Variants in DLGAP2 observed in about 807,000 individuals in gnomAD.
DLGAP2 encodes the protein DLG associated protein 2, also known as disks large-associated protein 2.
A neutral mutation model predicts 100.3 loss-of-function variants in DLGAP2; 26 were observed. The ratio of observed to expected loss-of-function variants is 0.26; its 90% CI spans 0.19 to 0.36. The LOEUF (loss-of-function observed/expected upper bound fraction) is 0.36. DLGAP2 is among the 10% of genes least tolerant of loss of function. DLGAP2 has a pLI of 1.00. For missense variants in DLGAP2, 1,858 were observed against 1,453.2 expected, an observed-to-expected ratio of 1.28 and a Z score of -4.53; for synonymous variants, 886 against 630.1, an observed-to-expected ratio of 1.41 and a Z score of -6.08.
intron 2 of DLGAP2, among the ~76,000 whole-genome samples, chr8:1,191,294 C>G (rs1024493539): frequency 6.6e-6 from 1 of 151,658 alleles, no homozygotes; most frequent in Non-Finnish European, 1.5e-5. Flanking sequence ...CCTCAGCCTC[C>G]CGAGTAGCTG....
chr8:1,205,445 C>T (rs1344908271), intron 2 of DLGAP2, among the ~76,000 whole-genome samples: 2 of 152,048 alleles, frequency 1.3e-5, no homozygotes, highest in Non-Finnish European at 2.9e-5. Context: ...GCTCTAGAAA[C>T]ACGTGACGTC....
intron 2 of DLGAP2, among the ~76,000 whole-genome samples, chr8:1,158,716 C>T (rs764284604): frequency 7.2e-5 from 11 of 152,206 alleles, no homozygotes; most frequent in African/African-American, 1.2e-4. Context: ...TTGTGGGCTG[C>T]GCACCCAGAG....
At chr8:1,479,775 C>T (rs925421460) in intron 3 of DLGAP2, among the ~76,000 whole-genome samples, 3 of 152,166 alleles carry the variant, frequency 2.0e-5, no homozygotes, top group Admixed American at 6.5e-5. Flanking sequence ...TCCAAGCTGG[C>T]TGTTAATTTT....
At chr8:873,129 A>G (rs187704775) in intron 1 of DLGAP2, among the ~76,000 whole-genome samples, 2 of 152,300 alleles carry the variant, frequency 1.3e-5, no homozygotes, top group East Asian at 3.9e-4. Flanking sequence ...AAAACTTAAT[A>G]TAGTGTAAAT....
chr8:785,261 C>T (rs1208495802), intron 1 of DLGAP2, among the ~76,000 whole-genome samples: 5 of 144,592 alleles, frequency 3.5e-5, no homozygotes, highest in African/African-American at 1.3e-4. Context: ...AAGGCACGTC[C>T]TGACACTTCA....
intron 2 of DLGAP2, among the ~76,000 whole-genome samples, chr8:1,136,993 G>A (rs1585094955): frequency 6.6e-6 from 1 of 152,218 alleles, no homozygotes; most frequent in Non-Finnish European, 1.5e-5. Context: ...ATGGTGCCCA[G>A]CCACTGTGCT....
At position 1,521,408 on chromosome 8, in the gene DLGAP2, G is replaced by A. The variant is rs1800593208; in HGVS notation, c.172+19977G>A. On this transcript the variant is annotated intron_variant, in intron 4 of 14. Transcript: ENST00000637795. ...GGGCAGGTGATATGGAGCGTCTCTG[G>A]TTTGCACACTTGTTTTAATTTGGAA... Among the ~76,000 whole-genome samples the A allele has an allele frequency of 3.1e-5, 2 of 65,102 alleles. 1 individual carries two copies. The highest frequency in any genetic ancestry group is 3.9e-4 in the Admixed American group (2 of 5,166). The allele number at this position is 65,102 out of a possible 152,430, so 42.7% of individuals were successfully genotyped here.
intron 1 of DLGAP2, among the ~76,000 whole-genome samples, chr8:810,381 A>G (rs1796349544): frequency 6.6e-6 from 1 of 152,276 alleles, no homozygotes; most frequent in African/African-American, 2.4e-5. Flanking sequence ...GGTACACACC[A>G]TTACACATTT....
chr8:1,681,111 A>G (rs1798933050), intron 12 of DLGAP2, among the ~76,000 whole-genome samples: 2 of 152,216 alleles, frequency 1.3e-5, no homozygotes, highest in South Asian at 4.1e-4. Flanking sequence ...CTTAGCCCAT[A>G]AAATGCCTAT....
Position 1,454,702 on chromosome 8 carries a change from T to C in DLGAP2, c.107-46664T>C, listed in dbSNP as rs145832030. On this transcript the variant is annotated intron_variant, in intron 3 of 14. Transcript: ENST00000637795. ...CACTTTTTCTCTAAGGGAGTTCAGC[T>C]TGAGGGCTGAGATATCTGTTTTGTG... 1.1e-3 allele frequency among the ~76,000 whole-genome samples: 172 copies of C among 152,310 alleles called. 1 individual carries two copies. The highest frequency in any genetic ancestry group is 3.9e-3 in the African/African-American group (161 of 41,568).
At chr8:1,160,301 T>C (rs899219489) in intron 2 of DLGAP2, among the ~76,000 whole-genome samples, 2 of 152,256 alleles carry the variant, frequency 1.3e-5, no homozygotes, top group Admixed American at 6.5e-5. Context: ...GATTGACAGG[T>C]CCCGTGCCTG....
At chr8:1,530,360 G>T (rs373700559) in intron 4 of DLGAP2, among the ~76,000 whole-genome samples, 2 of 152,106 alleles carry the variant, frequency 1.3e-5, no homozygotes, top group Non-Finnish European at 2.9e-5. Flanking sequence ...GCTCTGTTCT[G>T]CCCAGCTCAC....
At chr8:1,591,569 C>G (rs376567185) in intron 6 of DLGAP2, among the ~76,000 whole-genome samples, 3 of 152,164 alleles carry the variant, frequency 2.0e-5, no homozygotes, top group South Asian at 2.1e-4. Flanking sequence ...ACCCCTGCAG[C>G]CTATTTGTGG....
chr8:1,242,354 C>T (rs1283094999), intron 2 of DLGAP2, among the ~76,000 whole-genome samples: 1 of 152,174 alleles, frequency 6.6e-6, no homozygotes, highest in Non-Finnish European at 1.5e-5. Flanking sequence ...CCATTACCTG[C>T]TCATGGCTAG....
At chr8:836,810 T>C (rs1280544824) in intron 1 of DLGAP2, among the ~76,000 whole-genome samples, 1 of 152,196 alleles carries the variant, frequency 6.6e-6, no homozygotes, top group African/African-American at 2.4e-5. Flanking sequence ...CGGAGATCTT[T>C]TGTTTCCCTC....
In DLGAP2 at chr8:1,507,571, C is replaced by G. The variant is rs1407409740; in HGVS notation, c.172+6140C>G. 4.6e-5 allele frequency among the ~76,000 whole-genome samples: 7 copies of G among 152,288 alleles called. No homozygotes were observed. In the East Asian group the frequency reaches 1.4e-3, roughly 30 times the overall value. ...CCTCGGCCAGCCCCCAGGGCAGTGG[C>G]TGGCTGAAGGGCTCCTCAAGTGCGG... is the stretch of plus-strand genomic sequence containing the variant. On this transcript the variant is annotated intron_variant, in intron 4 of 14. Transcript: ENST00000637795.
intron 2 of DLGAP2, among the ~76,000 whole-genome samples, chr8:944,741 C>G (rs372416053): frequency 1.3e-5 from 2 of 150,434 alleles, no homozygotes; most frequent in African/African-American, 4.9e-5. Context: ...CCAATCCCTG[C>G]AGGTGATCTG....
At chr8:1,429,372 G>A (rs545221903) in intron 3 of DLGAP2, among the ~76,000 whole-genome samples, 4 of 152,110 alleles carry the variant, frequency 2.6e-5, no homozygotes, top group Non-Finnish European at 4.4e-5. Context: ...TTAAACTTTC[G>A]TTAACACTGT....
At chr8:1,469,993 A>AAAAAAAAAG (rs1296435323) in intron 3 of DLGAP2, among the ~76,000 whole-genome samples, 1 of 123,038 alleles carries the variant, frequency 8.1e-6, no homozygotes, top group African/African-American at 3.3e-5. Context: ...TCATCCCTAA[A>AAAAAAAAAG]AAAAAAAAAG....
Sources: allele counts gnomAD v4.1 joint callset (sites outside exome capture counted in the v4.1 genomes callset), GRCh38; gene constraint gnomAD v4.1.1; transcripts MANE v1.5; gene names NCBI Gene and HGNC (gene_info 2026-07-23, HGNC 2026-07-21).